The following NPAS3 variants were observed in gnomAD, a reference collection of about 807,000 sequenced individuals.
The protein encoded by NPAS3 is neuronal PAS domain-containing protein 3.
In NPAS3, 14 loss-of-function variants were observed where a neutral mutation model predicts 73.1. The ratio of observed to expected loss-of-function variants is 0.19; its 90% CI spans 0.13 to 0.30. NPAS3 has a LOEUF of 0.30. Among genes scored for constraint, NPAS3 ranks in the 10% least tolerant of loss-of-function variants. The probability of loss-of-function intolerance (pLI) is 1.00; values close to 1 mark genes in which losing one functional copy is unlikely to be tolerated. For synonymous variants in NPAS3, 620 were observed against 541.5 expected (o/e 1.14, Z -2.01); for missense variants, 1,096 against 1,250.0 (o/e 0.88, Z 1.86).
At chr14:33,624,765 G>T (rs1254694047) in intron 5 of NPAS3, among the ~76,000 whole-genome samples, 1 of 152,166 alleles carries the variant, frequency 6.6e-6, no homozygotes, top group Admixed American at 6.6e-5. Context: ...AGTCAGAGCA[G>T]CAAAGGCCTC....
At chr14:33,769,103 A>G (rs58247423) in intron 7 of NPAS3, among the ~76,000 whole-genome samples, 3,329 of 152,354 alleles carry the variant, frequency 0.022, 133 homozygotes, top group African/African-American at 0.076. Context: ...AAACAAAAAC[A>G]TAAGTTGCCT....
intron 3 of NPAS3, among the ~76,000 whole-genome samples, chr14:33,342,487 C>A (rs1202698220): frequency 6.6e-6 from 1 of 152,186 alleles, no homozygotes. Context: ...TGTGAAGCTC[C>A]TCTGGCCCAG....
chr14:33,513,230 T>C (rs1312782182), intron 4 of NPAS3, among the ~76,000 whole-genome samples: 1 of 152,020 alleles, frequency 6.6e-6, no homozygotes, highest in African/African-American at 2.4e-5. Flanking sequence ...ATTCCAATAC[T>C]CATGAGCTAA....
intron 4 of NPAS3, among the ~76,000 whole-genome samples, chr14:33,559,533 G>C (rs1439288012): frequency 6.6e-6 from 1 of 151,978 alleles, no homozygotes; most frequent in Non-Finnish European, 1.5e-5. Context: ...AAAAATAAAG[G>C]CAACAGCTCA....
chr14:33,338,494 C>CCTTTT (rs1313920488), intron 3 of NPAS3, among the ~76,000 whole-genome samples: 11 of 152,068 alleles, frequency 7.2e-5, no homozygotes, highest in Admixed American at 2.0e-4. Context: ...CAAATCTTTT[C>CCTTTT]CTTTTCTTTT....
intron 4 of NPAS3, among the ~76,000 whole-genome samples, chr14:33,509,211 A>G (rs1336795310): frequency 1.3e-5 from 2 of 151,996 alleles, no homozygotes; most frequent in Non-Finnish European, 2.9e-5. Context: ...ATCATATTAC[A>G]CTGATGACTC....
chr14:33,084,052 C>G (rs2041945371), intron 2 of NPAS3, among the ~76,000 whole-genome samples: 1 of 152,140 alleles, frequency 6.6e-6, no homozygotes, highest in South Asian at 2.1e-4. Context: ...TGTATTTTCT[C>G]AGACATTAGA....
intron 4 of NPAS3, among the ~76,000 whole-genome samples, chr14:33,543,339 G>A (rs1047998180): frequency 6.6e-6 from 1 of 152,180 alleles, no homozygotes; most frequent in Non-Finnish European, 1.5e-5. Context: ...TAGAAACTTA[G>A]CAATAGAAGT....
intron 4 of NPAS3, among the ~76,000 whole-genome samples, chr14:33,411,711 C>T (rs1160064637): frequency 6.6e-6 from 1 of 152,140 alleles, no homozygotes; most frequent in Admixed American, 6.5e-5. Flanking sequence ...TTCGAACATG[C>T]CTTGCTTTTC....
At position 33,800,953 on chromosome 14, in the gene NPAS3, A is replaced by T; in HGVS notation, c.2646A>T (p.Ser882=). Reference sequence around the variant, plus strand: ...ACCACGTGCACCGGCTCAACATGTCAGGACCGTTCGGCGGCGCAGTGAGCG... The same window carrying T: ...ACCACGTGCACCGGCTCAACATGTCTGGACCGTTCGGCGGCGCAGTGAGCG... Residue 882 remains serine (S), a synonymous_variant, in exon 12 of 12, where the codon TCA becomes TCT. Transcript: ENST00000356141. The surrounding 1 kb of genome is among the most constrained non-coding windows in gnomAD (Gnocchi z 6.5). 1 of 1,604,060 alleles carries T rather than the reference A, an allele frequency of 6.2e-7. No homozygotes were observed. Among genetic ancestry groups the T allele is most frequent in the Non-Finnish European group, 8.5e-7 (1 of 1,175,926 alleles).
At chr14:33,664,999 A>G (rs1236623015) in intron 5 of NPAS3, among the ~76,000 whole-genome samples, 1 of 152,206 alleles carries the variant, frequency 6.6e-6, no homozygotes, top group East Asian at 1.9e-4. Flanking sequence ...CAGCCATCCC[A>G]TTACTGGGTA....
intron 4 of NPAS3, among the ~76,000 whole-genome samples, chr14:33,406,049 G>T (rs1346488526): frequency 1.3e-5 from 2 of 152,066 alleles, no homozygotes; most frequent in Admixed American, 1.3e-4. Context: ...GGAAACATAA[G>T]CAATGAAGAA....
At chr14:33,304,711 G>A (rs1461565093) in intron 3 of NPAS3, among the ~76,000 whole-genome samples, 1 of 151,834 alleles carries the variant, frequency 6.6e-6, no homozygotes, top group Non-Finnish European at 1.5e-5. Context: ...AATGAGCTAG[G>A]TTTATCTAGC....
intron 6 of NPAS3, among the ~76,000 whole-genome samples, chr14:33,696,388 A>T (rs2060381424): frequency 6.6e-6 from 1 of 152,222 alleles, no homozygotes; most frequent in Non-Finnish European, 1.5e-5. Flanking sequence ...TTCGTCACCC[A>T]CAAAATGAAA....
chr14:33,671,702 A>C (rs80216595), intron 5 of NPAS3, among the ~76,000 whole-genome samples: 12,775 of 152,316 alleles, frequency 0.084, 615 homozygotes, highest in South Asian at 0.22. Context: ...AGAGTAAGTA[A>C]GTTCTCTTCC....
At chr14:33,092,547 G>A (rs1026905647) in intron 2 of NPAS3, among the ~76,000 whole-genome samples, 39 of 152,260 alleles carry the variant, frequency 2.6e-4, no homozygotes, top group Non-Finnish European at 4.0e-4. Context: ...TACTGTCCAA[G>A]GTAATTTATA....
At chr14:33,316,346 GC>G (rs2043207763) in intron 3 of NPAS3, among the ~76,000 whole-genome samples, 1 of 152,034 alleles carries the variant, frequency 6.6e-6, no homozygotes. Context: ...AAATACGTGA[GC>G]AGCAATACAT....
chr14:33,584,239 G>C (rs929343418), intron 5 of NPAS3, among the ~76,000 whole-genome samples: 1 of 152,018 alleles, frequency 6.6e-6, no homozygotes, highest in African/African-American at 2.4e-5. Context: ...TTGATATTTT[G>C]GTAACAGAAT....
intron 5 of NPAS3, among the ~76,000 whole-genome samples, chr14:33,586,657 A>G (rs908322227): frequency 6.6e-6 from 1 of 152,232 alleles, no homozygotes; most frequent in African/African-American, 2.4e-5. Context: ...TACATTTTCT[A>G]ACATTCCCTT....
Sources: allele counts gnomAD v4.1 joint callset (sites outside exome capture counted in the v4.1 genomes callset), GRCh38; gene constraint gnomAD v4.1.1; non-coding constraint Gnocchi (gnomAD v3.1); transcripts MANE v1.5; gene names NCBI Gene and HGNC (gene_info 2026-07-23, HGNC 2026-07-21).